ROBO2: variants seen among roughly 807,000 people sequenced by gnomAD.
The protein encoded by ROBO2 is roundabout homolog 2.
ROBO2 carries 53 observed loss-of-function variants against 160.8 expected under a neutral mutation model. That is an observed-to-expected ratio of 0.33 (90% CI 0.26 to 0.41). The LOEUF is 0.41. ROBO2 is among the 10% of genes least tolerant of loss of function. The pLI is 1.00. For missense variants in ROBO2, 1,577 were observed against 1,722.4 expected (o/e 0.92, Z 1.49); for synonymous variants, 664 against 611.7 (o/e 1.09, Z -1.26).
intron 2 of ROBO2, among the ~76,000 whole-genome samples, chr3:76,110,101 C>G (rs1414308141): frequency 6.0e-5 from 9 of 151,026 alleles, no homozygotes; most frequent in Non-Finnish European, 1.0e-4. Flanking sequence ...CTGTCTTAAA[C>G]TAGATATATG....
chr3:77,346,762 A>T (rs111592242), intron 2 of ROBO2, among the ~76,000 whole-genome samples: 1 of 152,110 alleles, frequency 6.6e-6, no homozygotes, highest in Non-Finnish European at 1.5e-5. Flanking sequence ...GGCTGCCTGC[A>T]TTCCTCATCG....
intron 2 of ROBO2, among the ~76,000 whole-genome samples, chr3:77,343,579 A>G (rs1446504621): frequency 6.6e-6 from 1 of 152,184 alleles, no homozygotes; most frequent in Admixed American, 6.6e-5. Context: ...TAGGATCTAA[A>G]GAATGTCCTG....
At chr3:77,550,056 C>T (rs148273436) in intron 7 of ROBO2, among the ~76,000 whole-genome samples, 4 of 152,076 alleles carry the variant, frequency 2.6e-5, no homozygotes, top group African/African-American at 7.2e-5. Flanking sequence ...TGTTACTCCT[C>T]TCATAGATGA....
intron 2 of ROBO2, among the ~76,000 whole-genome samples, chr3:76,405,787 G>T (rs550079996): frequency 1.3e-5 from 2 of 151,718 alleles, no homozygotes; most frequent in South Asian, 2.1e-4. Context: ...GGGAATGGGG[G>T]TTGGGGAGTT....
At chr3:76,169,187 T>C (rs2072944703) in intron 2 of ROBO2, among the ~76,000 whole-genome samples, 1 of 152,176 alleles carries the variant, frequency 6.6e-6, no homozygotes, top group Non-Finnish European at 1.5e-5. Flanking sequence ...GTTCATTTCT[T>C]CTTCCCACTT....
At chr3:77,396,069 A>T (rs1210423364) in intron 2 of ROBO2, among the ~76,000 whole-genome samples, 5 of 141,738 alleles carry the variant, frequency 3.5e-5, no homozygotes, top group Non-Finnish European at 7.7e-5. Flanking sequence ...CAAGAAACTT[A>T]AAAAAAAAAA....
chr3:77,173,489 A>G (rs908445604), intron 2 of ROBO2, among the ~76,000 whole-genome samples: 3 of 152,056 alleles, frequency 2.0e-5, no homozygotes, highest in Non-Finnish European at 4.4e-5. Flanking sequence ...TGATGCAAAG[A>G]CTTTCAGATT....
At chr3:76,615,123 A>T (rs967162297) in intron 2 of ROBO2, among the ~76,000 whole-genome samples, 1 of 152,160 alleles carries the variant, frequency 6.6e-6, no homozygotes, top group African/African-American at 2.4e-5. Flanking sequence ...ACTACATACT[A>T]AAATTAAGTG....
intron 2 of ROBO2, among the ~76,000 whole-genome samples, chr3:76,135,311 G>A (rs1402409921): frequency 6.6e-6 from 1 of 151,956 alleles, no homozygotes; most frequent in East Asian, 1.9e-4. Context: ...CTGATAGAGG[G>A]CCCCCTTGAC....
At chr3:76,283,985 C>A (rs559375507) in intron 2 of ROBO2, among the ~76,000 whole-genome samples, 11 of 152,100 alleles carry the variant, frequency 7.2e-5, no homozygotes, top group African/African-American at 2.6e-4. Flanking sequence ...AACTACTTCT[C>A]ACTTTTTGCA....
chr3:76,423,704 G>A (rs1309802614), intron 2 of ROBO2, among the ~76,000 whole-genome samples: 2 of 152,186 alleles, frequency 1.3e-5, no homozygotes, highest in East Asian at 1.9e-4. Context: ...GAGGGAGGAG[G>A]TTAAAGCAAG....
intron 2 of ROBO2, among the ~76,000 whole-genome samples, chr3:77,443,934 T>C (rs2080205953): frequency 6.6e-6 from 1 of 152,154 alleles, no homozygotes; most frequent in African/African-American, 2.4e-5. Context: ...TTCCAACTTC[T>C]CAATCTTCTA....
chr3:76,996,175 G>C (rs963014520), intron 2 of ROBO2, among the ~76,000 whole-genome samples: 7 of 152,152 alleles, frequency 4.6e-5, no homozygotes, highest in African/African-American at 7.2e-5. Flanking sequence ...CATATGGCTA[G>C]CCAGTTTTCC....
chr3:76,873,875 T>C (rs1319435606), intron 2 of ROBO2, among the ~76,000 whole-genome samples: 2 of 152,196 alleles, frequency 1.3e-5, no homozygotes, highest in Admixed American at 6.5e-5. Context: ...GCATATTGTG[T>C]ATCTGAAGTT....
chr3:76,991,617 A>G (rs1191130291), intron 2 of ROBO2, among the ~76,000 whole-genome samples: 3 of 152,224 alleles, frequency 2.0e-5, no homozygotes, highest in Non-Finnish European at 4.4e-5. Context: ...AGAGATAATA[A>G]GTTGATAATT....
intron 2 of ROBO2, among the ~76,000 whole-genome samples, chr3:76,484,618 A>G (rs1383259742): frequency 6.6e-6 from 1 of 152,156 alleles, no homozygotes; most frequent in East Asian, 1.9e-4. Flanking sequence ...GCTTGAACGT[A>G]ATTACCTCCT....
chr3:76,227,039 GC>G (rs1704330769), intron 2 of ROBO2, among the ~76,000 whole-genome samples: 2 of 152,174 alleles, frequency 1.3e-5, no homozygotes, highest in South Asian at 4.1e-4. Context: ...CACCAGCATT[GC>G]CATTTTCTTT....
At chr3:77,203,951 A>G (rs144121390) in intron 2 of ROBO2, among the ~76,000 whole-genome samples, 1 of 152,356 alleles carries the variant, frequency 6.6e-6, no homozygotes, top group Non-Finnish European at 1.5e-5. Flanking sequence ...AGTAACTTTA[A>G]TAAAAGTAAG....
chr3:77,519,213 A>G (rs902350845), intron 5 of ROBO2, among the ~76,000 whole-genome samples: 4 of 151,486 alleles, frequency 2.6e-5, no homozygotes, highest in Admixed American at 1.3e-4. Context: ...TAAAAAACAA[A>G]CAAACAAAAT....
Sources: gnomAD v4.1 joint callset for allele counts (sites outside exome capture counted in the v4.1 genomes callset) on GRCh38, gnomAD v4.1.1 for gene constraint, MANE v1.5 for transcripts, NCBI Gene and HGNC (gene_info 2026-07-23, HGNC 2026-07-21) for gene names.